Variants in ABCF1 observed in about 807,000 individuals in gnomAD.
The protein encoded by ABCF1 is ATP binding cassette subfamily F member 1, also known as ATP-binding cassette sub-family F member 1.
ABCF1 carries 73 observed loss-of-function variants against 126.3 expected under a neutral mutation model. The ratio of observed to expected loss-of-function variants is 0.58; its 90% CI spans 0.48 to 0.70. The LOEUF is 0.70. ABCF1 is among the 30% of genes least tolerant of loss of function. The pLI is 0.00. For missense variants in ABCF1, 786 were observed against 1,057.5 expected (o/e 0.74, Z 3.56); for synonymous variants, 345 against 396.4 (o/e 0.87, Z 1.54).
chr6:30,577,563 C>A, intron 2 of ABCF1, 108 bp downstream of exon 2: 1 of 1,369,204 alleles, frequency 7.3e-7, no homozygotes, highest in South Asian at 1.3e-5. Context: ...AAGATCTTGT[C>A]AAGAGAGGAG....
chr6:30,574,175 A>G lies in ABCF1; in HGVS notation c.73+2615A>G, dbSNP rs1364369951. Reference sequence around the variant, plus strand: ...TTTTTTTTTTTTGTGACGGAGCCTCACTCCAGGCTGGAGTGCAGTGGCGCG... The same window carrying G: ...TTTTTTTTTTTTGTGACGGAGCCTCGCTCCAGGCTGGAGTGCAGTGGCGCG... On this transcript the variant is annotated intron_variant, in intron 1 of 24. Transcript: ENST00000326195. This position sits in a 1 kb window ranked among gnomAD's most constrained non-coding sequence, Gnocchi z 4.3. Among the ~76,000 whole-genome samples the G allele has an allele frequency of 6.7e-6, 1 of 149,992 alleles. No homozygotes were observed. Among genetic ancestry groups the G allele is most frequent in the African/African-American group, 2.5e-5 (1 of 40,744 alleles).
At chr6:30,589,039 C>T (rs891659943) in intron 20 of ABCF1, among the ~76,000 whole-genome samples, 17 of 152,030 alleles carry the variant, frequency 1.1e-4, no homozygotes, top group African/African-American at 4.1e-4. Context: ...AAAGTCTTCC[C>T]CTGTCCCCGA....
At position 30,586,144 on chromosome 6, in the gene ABCF1, CGAAG is replaced by C. The variant is rs1396301106; in HGVS notation, c.1729_1732del (p.Glu577ProfsTer2). 6.2e-7 allele frequency: 1 copy of C among 1,610,570 alleles called. No individual in the cohort carries two copies. The highest frequency in any genetic ancestry group is 8.5e-7 in the Non-Finnish European group (1 of 1,179,004). On this transcript the variant is annotated frameshift_variant, in exon 18 of 25. Transcript: ENST00000326195. LOFTEE classifies it high-confidence loss of function. This position sits in a 1 kb window ranked among gnomAD's most constrained non-coding sequence, Gnocchi z 4.9. ...CCTCTTCCTCTCCAGGAAAAACAAA[CGAAG>C]GAAGCCCTGACTCGGAAGCAGCAGA...
In ABCF1 at chr6:30,580,395, T is replaced by C; in HGVS notation, c.565-11T>C. ...AAAAACATTTCATCAGACCTGTCTT[T>C]TCCCTATTAGCCTCAAAATAAATTC... On this transcript the variant is annotated splice_polypyrimidine_tract_variant and intron_variant, in intron 7 of 24. Transcript: ENST00000326195. The C allele has an allele frequency of 6.7e-7, 1 of 1,495,672 alleles. No homozygotes were observed. The highest frequency in any genetic ancestry group is 8.9e-7 in the Non-Finnish European group (1 of 1,118,678). The allele number at this position is 1,495,672 out of a possible 1,614,324, so 92.7% of individuals were successfully genotyped here.
chr6:30,579,252 C>T (rs984605212), intron 6 of ABCF1, among the ~76,000 whole-genome samples: 1 of 152,076 alleles, frequency 6.6e-6, no homozygotes, highest in Non-Finnish European at 1.5e-5. Flanking sequence ...CTAGTTATCT[C>T]TTCGCTATCT....
In ABCF1 at chr6:30,586,285, C is replaced by T. The variant is rs752123349; in HGVS notation, c.1865C>T (p.Pro622Leu). ...TTTCCAGACCCCCCACCACTCAGCC[C>T]TCCAGTGCTGGGTCTGCATGGTGAG... ...FTFPDPPPLSPPVLGLHGVTF... is the reference protein window; with the variant it reads ...FTFPDPPPLSLPVLGLHGVTF... The change falls in exon 18 of 25, where the codon CCT becomes CTT. Residue 622 changes from proline to leucine, a missense_variant. By Grantham distance (98) the Pro-to-Leu change is moderately conservative. Transcript: ENST00000326195. This position sits in a 1 kb window ranked among gnomAD's most constrained non-coding sequence, Gnocchi z 4.9. 6.2e-7 allele frequency: 1 copy of T among 1,610,420 alleles called. No homozygotes were observed. The highest frequency in any genetic ancestry group is 8.5e-7 in the Non-Finnish European group (1 of 1,178,192).
chr6:30,586,195 A>T lies in ABCF1; in HGVS notation c.1775A>T (p.Asp592Val). Residue 592 changes from aspartate to valine, a missense_variant, in exon 18 of 25, where the codon GAT (aspartate) becomes GTT (valine). By Grantham distance (152) the Asp-to-Val change is radical (BLOSUM62 -3). Around this residue, in one of 4 missense-constraint regions of ABCF1, gnomAD observed 288 missense variants for 423.5 expected, o/e 0.68. Transcript: ENST00000326195. The surrounding 1 kb of genome is among the most constrained non-coding windows in gnomAD (Gnocchi z 4.9). ...CAGAAATGCCGACGGAAAAACCAAGATGAGGAATCCCAGGAGGCCCCTGAG... is the reference window on the plus strand; with the variant it reads ...CAGAAATGCCGACGGAAAAACCAAGTTGAGGAATCCCAGGAGGCCCCTGAG... ...KQQKCRRKNQ[D>V]EESQEAPELL... is the part of the protein sequence containing the mutation. 6.2e-7 allele frequency: 1 copy of T among 1,614,048 alleles called. No individual in the cohort carries two copies. Among genetic ancestry groups the T allele is most frequent in the Non-Finnish European group, 8.5e-7 (1 of 1,179,954 alleles).
intron 16 of ABCF1, 53 bp from the exon 17 acceptor site, chr6:30,585,826 C>T (rs1268280350): frequency 2.2e-5 from 34 of 1,561,522 alleles, no homozygotes; most frequent in Non-Finnish European, 2.8e-5. Flanking sequence ...CTGGTTGTCC[C>T]TTTGCTGGGA....
intron 6 of ABCF1, among the ~76,000 whole-genome samples, chr6:30,579,376 G>A (rs1320179377): frequency 6.6e-6 from 1 of 151,352 alleles, no homozygotes; most frequent in Non-Finnish European, 1.5e-5. Context: ...TTATGATGGT[G>A]TGAAAGTCAT....
chr6:30,577,747 GT>G, intron 2 of ABCF1, 70 bp from the exon 3 acceptor site: 1 of 1,463,816 alleles, frequency 6.8e-7, no homozygotes, highest in African/African-American at 1.4e-5. Flanking sequence ...GTGGGCCAAT[GT>G]GTGGCAGAGC....
chr6:30,584,353 A>G lies in ABCF1; in HGVS notation c.1242+22A>G. ...GAAGGTAGAGGAGATGGCGCAGGGGACACGGGCAAAGACTTGGGGGTTCCT... is the reference window on the plus strand; with the variant it reads ...GAAGGTAGAGGAGATGGCGCAGGGGGCACGGGCAAAGACTTGGGGGTTCCT... On this transcript the variant is annotated intron_variant, in intron 13 of 24. Coordinates refer to ENST00000326195, the MANE Select transcript of ABCF1 (RefSeq NM_001025091.2). This position sits in a 1 kb window ranked among gnomAD's most constrained non-coding sequence, Gnocchi z 4.6. The G allele has an allele frequency of 6.2e-7, 1 of 1,613,072 alleles. No homozygotes were observed. Among genetic ancestry groups the G allele is most frequent in the Non-Finnish European group, 8.5e-7 (1 of 1,179,996 alleles).
At chr6:30,590,477 C>A in intron 24 of ABCF1, 58 bp from the exon 25 acceptor site, 1 of 1,580,678 alleles carries the variant, frequency 6.3e-7, no homozygotes, top group Non-Finnish European at 8.6e-7. Context: ...ATTTCATGTT[C>A]TGATTCCCCT....
At position 30,586,503 on chromosome 6, in the gene ABCF1, C is replaced by A. The variant is rs1369057831; in HGVS notation, c.1915C>A (p.Pro639Thr). The change falls in exon 19 of 25, where the codon CCA becomes ACA. Residue 639 changes from proline (P) to threonine (T), a missense_variant. This residue lies in a region of ABCF1 where 288 missense variants were observed against 423.5 expected (regional missense o/e 0.68). Coordinates refer to ENST00000326195, the MANE Select transcript of ABCF1 (RefSeq NM_001025091.2). This position sits in a 1 kb window ranked among gnomAD's most constrained non-coding sequence, Gnocchi z 4.9. ...GACATTCGGCTACCAGGGACAGAAACCACTCTTTAAGAACTTGGATTTTGG... is the reference window on the plus strand; with the variant it reads ...GACATTCGGCTACCAGGGACAGAAAACACTCTTTAAGAACTTGGATTTTGG... ...GVTFGYQGQK[P>T]LFKNLDFGID... The A allele has an allele frequency of 6.2e-7, 1 of 1,613,284 alleles. No individual in the cohort carries two copies. Among genetic ancestry groups the A allele is most frequent in the African/African-American group, 1.3e-5 (1 of 74,910 alleles).
chr6:30,571,533 G>A lies in ABCF1; in HGVS notation c.46G>A (p.Gly16Arg), dbSNP rs778697095. The A allele has an allele frequency of 6.2e-7, 1 of 1,610,844 alleles. No individual in the cohort carries two copies. The highest frequency in any genetic ancestry group is 1.1e-5 in the South Asian group (1 of 90,842). ...GCAGCCGCCGGAGCCCGAGTGGATC[G>A]GGGACGGAGAGAGCACGAGCCCATC... is the stretch of plus-strand genomic sequence containing the variant. ...KQQPPEPEWI[G>R]DGESTSPSDK... Residue 16 changes from glycine (G) to arginine (R), a missense_variant, in exon 1 of 25, where the codon GGG (glycine) becomes AGG (arginine). Coordinates refer to ENST00000326195, the MANE Select transcript of ABCF1 (RefSeq NM_001025091.2).
intron 6 of ABCF1, 115 bp from the exon 7 acceptor site, chr6:30,579,816 A>G: frequency 1.0e-6 from 1 of 958,186 alleles, no homozygotes; most frequent in African/African-American, 1.7e-5. Flanking sequence ...CCTGTCGTAA[A>G]TGGAGGAGCA....
At position 30,585,560 on chromosome 6, in the gene ABCF1, AC is replaced by A; in HGVS notation, c.1480del (p.Leu494SerfsTer9). The A allele has an allele frequency of 6.2e-7, 1 of 1,612,314 alleles. No homozygotes were observed. Among genetic ancestry groups the A allele is most frequent in the South Asian group, 1.1e-5 (1 of 91,024 alleles). On this transcript the variant is annotated frameshift_variant, in exon 16 of 25. Transcript: ENST00000326195. LOFTEE classifies it high-confidence loss of function. Reference protein sequence around the residue: ...DLNAVIWLNNYLQGWRKTLLI... With the variant: ...DLNAVIWLNNXLQGWRKTLLI... ...ACACCCTGTTCTCTGAAACCCAGCT[AC>A]CTCCAGGGCTGGCGGAAGACCTTGC...
At chr6:30,580,075 G>A (rs1176297427) in intron 7 of ABCF1, 70 bp downstream of exon 7, 27 of 1,493,882 alleles carry the variant, frequency 1.8e-5, no homozygotes, top group Admixed American at 5.4e-5. Flanking sequence ...GGCTGGGCGC[G>A]GTGGCTCACG....
rs756565396 is a variant in ABCF1 at position 30,587,846 on chromosome 6, CAA to C, written c.2031+1150_2031+1151del. Reference sequence around the variant, plus strand: ...TCTAAGTGACAGAGTGAGGCTCTGTCAAAAAAAAAAAAAAAATGCTTAAGTCA... The same window carrying C: ...TCTAAGTGACAGAGTGAGGCTCTGTCAAAAAAAAAAAAAATGCTTAAGTCA... On this transcript the variant is annotated intron_variant, in intron 20 of 24. Transcript: ENST00000326195. Among the ~76,000 whole-genome samples the C allele has an allele frequency of 4.2e-4, 31 of 74,360 alleles. 1 individual carries two copies. The highest frequency in any genetic ancestry group is 6.9e-4 in the Admixed American group (5 of 7,286). 48.8% of individuals were successfully genotyped at this position (74,360 alleles called of 152,430 possible).
At chr6:30,588,462 C>T (rs1056480444) in intron 20 of ABCF1, among the ~76,000 whole-genome samples, 1 of 151,814 alleles carries the variant, frequency 6.6e-6, no homozygotes, top group Non-Finnish European at 1.5e-5. Flanking sequence ...CCTGGGTTCA[C>T]GCGATTCTCC....
Sources: gnomAD v4.1 joint callset for allele counts (sites outside exome capture counted in the v4.1 genomes callset) on GRCh38, gnomAD v4.1.1 for gene constraint, gnomAD v4.1.1 regional missense constraint, Gnocchi (gnomAD v3.1) non-coding constraint, MANE v1.5 for transcripts, NCBI Gene and HGNC (gene_info 2026-07-23, HGNC 2026-07-21) for gene names.